The following TBC1D1 variants were observed in gnomAD, a reference collection of about 807,000 sequenced individuals.
TBC1D1 encodes the protein TBC1 (tre-2/USP6, BUB2, cdc16) domain family, member 1.
Under a neutral mutation model 125.6 loss-of-function variants are expected in TBC1D1, and 89 were observed. The ratio of observed to expected loss-of-function variants is 0.71; its 90% CI spans 0.60 to 0.85. The LOEUF is 0.85. Ranked by LOEUF, TBC1D1 falls within the 40% of genes least tolerant of loss-of-function variation. The pLI is 0.00. For missense variants in TBC1D1, 1,377 were observed against 1,469.2 expected (o/e 0.94, Z 1.03); for synonymous variants, 565 against 564.1 (o/e 1.00, Z -0.02).
intron 2 of TBC1D1, among the ~76,000 whole-genome samples, chr4:37,925,593 G>A (rs931464446): frequency 6.6e-6 from 1 of 150,846 alleles, no homozygotes; most frequent in East Asian, 2.0e-4. Context: ...AGGCACGCCT[G>A]TAGTCCCAGC....
At chr4:37,968,564 G>T (rs1731471477) in intron 2 of TBC1D1, among the ~76,000 whole-genome samples, 1 of 152,184 alleles carries the variant, frequency 6.6e-6, no homozygotes, top group Non-Finnish European at 1.5e-5. Context: ...GTACCCACCT[G>T]AATTTATAAG....
chr4:38,027,858 G>A lies in TBC1D1; in HGVS notation c.1281G>A (p.Ala427=), dbSNP rs767250612. 9 of 1,612,804 alleles carry A rather than the reference G, an allele frequency of 5.6e-6. 1 individual carries two copies. Among genetic ancestry groups the A allele is most frequent in the South Asian group, 5.5e-5 (5 of 90,906 alleles). Reference sequence around the variant, plus strand: ...CGACATTAACCAATCAGGAGCAGGCGACTATTTTTGAAGAGGTTCAGGTAC... The same window carrying A: ...CGACATTAACCAATCAGGAGCAGGCAACTATTTTTGAAGAGGTTCAGGTAC... Residue 427 remains alanine, a synonymous_variant, in exon 7 of 20, where the codon GCG becomes GCA. Coordinates refer to ENST00000261439, the MANE Select transcript of TBC1D1 (RefSeq NM_015173.4).
At chr4:38,083,905 A>G (rs1411463395) in intron 12 of TBC1D1, among the ~76,000 whole-genome samples, 2 of 149,166 alleles carry the variant, frequency 1.3e-5, no homozygotes, top group Non-Finnish European at 3.0e-5. Flanking sequence ...ACAACTTAAC[A>G]GTATTTCTTT....
In TBC1D1 at chr4:37,962,157, T is replaced by C. The variant is rs9968486; in HGVS notation, c.418-52352T>C. ...TCTTGGAGCTGATTCTGTGGTGGGC[T>C]GCTCCAAGTAATCTTTATCTTGGGC... On this transcript the variant is annotated intron_variant, in intron 2 of 19. Coordinates refer to ENST00000261439, the MANE Select transcript of TBC1D1 (RefSeq NM_015173.4). 1.1e-3 allele frequency among the ~76,000 whole-genome samples: 174 copies of C among 152,370 alleles called. 1 individual carries two copies. The highest frequency in any genetic ancestry group is 3.9e-3 in the African/African-American group (162 of 41,586).
chr4:37,909,156 C>T (rs1302748250), intron 2 of TBC1D1, among the ~76,000 whole-genome samples: 1 of 152,148 alleles, frequency 6.6e-6, no homozygotes, highest in South Asian at 2.1e-4. Context: ...AAGCACATCG[C>T]CTTTCCCAGT....
intron 2 of TBC1D1, among the ~76,000 whole-genome samples, chr4:37,935,797 T>C (rs1429679874): frequency 7.2e-5 from 11 of 152,166 alleles, no homozygotes; most frequent in Non-Finnish European, 1.3e-4. Flanking sequence ...CCTTCGCCAT[T>C]ATCCTACCCC....
At position 38,136,810 on chromosome 4, in the gene TBC1D1, A is replaced by C. The variant is rs533076381; in HGVS notation, c.3307-325A>C. Among the ~76,000 whole-genome samples, 31 of 152,172 alleles carry C rather than the reference A, an allele frequency of 2.0e-4. No homozygotes were observed. The South Asian group carries it at 2.3e-3, about 11-fold the overall frequency. On this transcript the variant is annotated intron_variant, in intron 19 of 19. Transcript: ENST00000261439. ...TGTTGCTGAAGCATTCTTTGGCCCT[A>C]TCCAAGCTGTCCCTCTGGTGGTGGT...
At chr4:37,996,037 T>C (rs546782717) in intron 2 of TBC1D1, 13 of 515,448 alleles carry the variant, frequency 2.5e-5, no homozygotes, top group Admixed American at 2.2e-4. Flanking sequence ...CGGAGGGAGG[T>C]CAGGCAGCTA....
chr4:38,086,245 G>A (rs1434442623), intron 12 of TBC1D1, among the ~76,000 whole-genome samples: 2 of 152,192 alleles, frequency 1.3e-5, no homozygotes, highest in African/African-American at 4.8e-5. Flanking sequence ...TAGGAGAGAC[G>A]AAATGGTGAG....
intron 2 of TBC1D1, among the ~76,000 whole-genome samples, chr4:37,938,382 G>A (rs906477599): frequency 6.6e-6 from 1 of 152,186 alleles, no homozygotes; most frequent in Non-Finnish European, 1.5e-5. Flanking sequence ...GTAAATGTGT[G>A]ACTTTTAGTG....
chr4:37,900,869 C>T (rs1430952764), intron 1 of TBC1D1, among the ~76,000 whole-genome samples: 5 of 151,972 alleles, frequency 3.3e-5, no homozygotes, highest in South Asian at 2.1e-4. Flanking sequence ...GCCAGGAGTT[C>T]GAGACCAGCC....
At position 38,115,098 on chromosome 4, in the gene TBC1D1, C is replaced by CTTT. The variant is rs56997021; in HGVS notation, c.2558-596_2558-594dup. The stretch of plus-strand genomic sequence containing the variant: ...TAGAGGATTAACAGTTTTCTTTTTT[C>CTTT]TTTTTTTTTTTTTTTTTTGGAGTTG... On this transcript the variant is annotated intron_variant, in intron 15 of 19. Transcript: ENST00000261439. Among the ~76,000 whole-genome samples, 544 of 134,644 alleles carry CTTT rather than the reference C, an allele frequency of 4.0e-3. 5 individuals carry two copies. Among genetic ancestry groups the CTTT allele is most frequent in the African/African-American group, 0.014 (505 of 35,396 alleles). The allele number at this position is 134,644 out of a possible 152,430, so 88.3% of individuals were successfully genotyped here. A position where few individuals can be genotyped will look rare whatever the true frequency, so the allele number is the denominator to read the frequency against.
chr4:38,117,830 C>T (rs1415911430), intron 16 of TBC1D1, among the ~76,000 whole-genome samples: 1 of 152,264 alleles, frequency 6.6e-6, no homozygotes, highest in African/African-American at 2.4e-5. Context: ...CCTGGGCCTA[C>T]ACCCAGCCAG....
chr4:37,916,431 T>G (rs951167474), intron 2 of TBC1D1, among the ~76,000 whole-genome samples: 1 of 152,110 alleles, frequency 6.6e-6, no homozygotes, highest in Non-Finnish European at 1.5e-5. Context: ...AATTTCGTAG[T>G]TGTCCCCTGT....
rs1025328787 is a variant in TBC1D1 at position 37,987,292 on chromosome 4, CT to C, written c.418-27205del. 7.0e-3 allele frequency among the ~76,000 whole-genome samples: 1,014 copies of C among 145,322 alleles called. 8 individuals are homozygous for C. Among genetic ancestry groups the C allele is most frequent in the African/African-American group, 0.022 (862 of 39,984 alleles). ...GTAGTGGTATTATTTCCTCCTTCCA[CT>C]TTTTTTTTTTTCAGGAAAGAAATAT... On this transcript the variant is annotated intron_variant, in intron 2 of 19. Transcript: ENST00000261439.
intron 8 of TBC1D1, among the ~76,000 whole-genome samples, chr4:38,040,685 A>T (rs1748189531): frequency 1.3e-5 from 2 of 152,172 alleles, no homozygotes; most frequent in Admixed American, 1.3e-4. Context: ...TAACATTGTA[A>T]CTGGTGTTGA....
intron 12 of TBC1D1, among the ~76,000 whole-genome samples, chr4:38,077,593 A>G (rs1299677644): frequency 6.6e-6 from 1 of 151,352 alleles, no homozygotes; most frequent in African/African-American, 2.4e-5. Flanking sequence ...TATGGCAGAA[A>G]TTATACCTTG....
At chr4:38,083,441 A>G (rs991804312) in intron 12 of TBC1D1, among the ~76,000 whole-genome samples, 23 of 152,350 alleles carry the variant, frequency 1.5e-4, no homozygotes, top group Admixed American at 1.4e-3. Context: ...GCTCCCATCA[A>G]TTAAACCTGT....
At chr4:37,963,472 G>A (rs1300451080) in intron 2 of TBC1D1, among the ~76,000 whole-genome samples, 1 of 152,126 alleles carries the variant, frequency 6.6e-6, no homozygotes, top group Non-Finnish European at 1.5e-5. Context: ...GGCCAACATG[G>A]TAAAACCCCA....
Sources: gnomAD v4.1 joint callset for allele counts (sites outside exome capture counted in the v4.1 genomes callset) on GRCh38, gnomAD v4.1.1 for gene constraint, MANE v1.5 for transcripts, NCBI Gene and HGNC (gene_info 2026-07-23, HGNC 2026-07-21) for gene names.